IGF1R: variants seen among roughly 807,000 people sequenced by gnomAD.
The protein encoded by IGF1R is insulin-like growth factor 1 receptor.
In IGF1R, 44 loss-of-function variants were observed where a neutral mutation model predicts 144.6. That is an observed-to-expected ratio of 0.30 (90% CI 0.24 to 0.39). The LOEUF is 0.39. IGF1R is among the 10% of genes least tolerant of loss of function. The pLI is 1.00. For missense variants in IGF1R, 1,355 were observed against 1,833.7 expected (o/e 0.74, Z 4.77); for synonymous variants, 795 against 722.8 (o/e 1.10, Z -1.60).
At chr15:98,840,298 T>C (rs936520939) in intron 2 of IGF1R, among the ~76,000 whole-genome samples, 5 of 152,206 alleles carry the variant, frequency 3.3e-5, no homozygotes, top group African/African-American at 9.6e-5. Context: ...CAAACCTGAC[T>C]GCCTTCACAT....
chr15:98,875,309 G>A (rs191646171), intron 2 of IGF1R, among the ~76,000 whole-genome samples: 4 of 150,616 alleles, frequency 2.7e-5, no homozygotes, highest in African/African-American at 9.7e-5. Context: ...ATTTATGCTT[G>A]AGATTCCTTT....
intron 2 of IGF1R, among the ~76,000 whole-genome samples, chr15:98,847,652 A>G (rs1218122185): frequency 6.6e-6 from 1 of 152,208 alleles, no homozygotes; most frequent in Non-Finnish European, 1.5e-5. Flanking sequence ...TTTGAGGTGC[A>G]TTTTAGTTGG....
intron 2 of IGF1R, among the ~76,000 whole-genome samples, chr15:98,825,449 C>T (rs1242770910): frequency 6.6e-6 from 1 of 152,220 alleles, no homozygotes; most frequent in Non-Finnish European, 1.5e-5. Flanking sequence ...AACCAGGCTG[C>T]ACAGCAGGAG....
At chr15:98,836,297 C>T (rs1242465533) in intron 2 of IGF1R, among the ~76,000 whole-genome samples, 2 of 151,754 alleles carry the variant, frequency 1.3e-5, no homozygotes, top group African/African-American at 4.8e-5. Context: ...CTCTGGGAAA[C>T]CAAGACAAAT....
At chr15:98,863,706 C>T (rs898890602) in intron 2 of IGF1R, among the ~76,000 whole-genome samples, 1 of 152,166 alleles carries the variant, frequency 6.6e-6, no homozygotes, top group Non-Finnish European at 1.5e-5. Context: ...TTTCTCCCTA[C>T]AAAGGAGGTG....
intron 2 of IGF1R, among the ~76,000 whole-genome samples, chr15:98,745,308 G>A (rs982678845): frequency 2.6e-5 from 4 of 152,328 alleles, no homozygotes; most frequent in South Asian, 2.1e-4. Context: ...CTTTCCTGGA[G>A]GATGTGCCTT....
At chr15:98,772,320 A>G (rs2055605455) in intron 2 of IGF1R, among the ~76,000 whole-genome samples, 1 of 151,966 alleles carries the variant, frequency 6.6e-6, no homozygotes, top group African/African-American at 2.4e-5. Flanking sequence ...TTTGAAAATC[A>G]CTGATATTTT....
intron 2 of IGF1R, among the ~76,000 whole-genome samples, chr15:98,741,235 CTTTTTTTTTTTT>C (rs540942858): frequency 1.0e-4 from 7 of 70,328 alleles, no homozygotes; most frequent in South Asian, 9.7e-4. Flanking sequence ...TTTTCCTGAG[CTTTTTTTTTTTT>C]TTTTTTTTTT....
chr15:98,660,695 A>T (rs2052579067), intron 1 of IGF1R: 1 of 152,336 alleles, frequency 6.6e-6, no homozygotes, highest in South Asian at 2.1e-4. Context: ...CTTTTTGCAC[A>T]TTGAGGTGAA....
intron 1 of IGF1R, among the ~76,000 whole-genome samples, chr15:98,700,960 T>G (rs1327212186): frequency 6.6e-6 from 1 of 152,162 alleles, no homozygotes; most frequent in Non-Finnish European, 1.5e-5. Context: ...GAGAGATGGT[T>G]GTTCTGCCTT....
At chr15:98,818,407 C>A (rs897328729) in intron 2 of IGF1R, among the ~76,000 whole-genome samples, 1 of 152,098 alleles carries the variant, frequency 6.6e-6, no homozygotes, top group African/African-American at 2.4e-5. Flanking sequence ...AACAGTCAGT[C>A]TAGCTGCTGG....
At chr15:98,833,182 A>C (rs1442139469) in intron 2 of IGF1R, among the ~76,000 whole-genome samples, 1 of 152,228 alleles carries the variant, frequency 6.6e-6, no homozygotes, top group Non-Finnish European at 1.5e-5. Context: ...CCAGCCAATC[A>C]GCCAAGATTC....
intron 2 of IGF1R, among the ~76,000 whole-genome samples, chr15:98,865,954 G>T (rs1330306928): frequency 1.3e-5 from 2 of 152,184 alleles, no homozygotes; most frequent in Non-Finnish European, 2.9e-5. Flanking sequence ...CTCTGGGGTC[G>T]CCACTTGCCT....
chr15:98,772,506 T>TATC (rs2055611695), intron 2 of IGF1R, among the ~76,000 whole-genome samples: 1 of 121,980 alleles, frequency 8.2e-6, no homozygotes, highest in Non-Finnish European at 1.7e-5. Context: ...TTATTATTAT[T>TATC]ATTATTATTT....
intron 2 of IGF1R, among the ~76,000 whole-genome samples, chr15:98,775,099 TA>T (rs1194702975): frequency 6.6e-6 from 1 of 152,128 alleles, no homozygotes; most frequent in African/African-American, 2.4e-5. Context: ...AAATAGGTTA[TA>T]ATACCTGAGT....
At chr15:98,948,219 G>A (rs1400747222) in intron 19 of IGF1R, among the ~76,000 whole-genome samples, 1 of 152,226 alleles carries the variant, frequency 6.6e-6, no homozygotes, top group Non-Finnish European at 1.5e-5. Context: ...CAGGTTAGGT[G>A]ATACCGCCTT....
chr15:98,726,626 A>G (rs1351661757), intron 2 of IGF1R, among the ~76,000 whole-genome samples: 1 of 152,084 alleles, frequency 6.6e-6, no homozygotes, highest in Non-Finnish European at 1.5e-5. Context: ...TAATTATAAA[A>G]CAGCTTGTTT....
rs1175152203 is a variant in IGF1R at position 98,707,453 on chromosome 15, C to G, written c.95-109C>G. ...TGCAGTGAACAATTGAACCTCATTT[C>G]TTTAATAATAATACAGGATTCCTGA... On this transcript the variant is annotated intron_variant, in intron 1 of 20. Transcript: ENST00000650285. This position sits in a 1 kb window ranked among gnomAD's most constrained non-coding sequence, Gnocchi z 6.7. 7 of 1,155,684 alleles carry G rather than the reference C, an allele frequency of 6.1e-6. No homozygotes were observed. In the East Asian group the frequency reaches 1.3e-4, roughly 21 times the overall value. The allele number at this position is 1,155,684 out of a possible 1,614,324, so 71.6% of individuals were successfully genotyped here.
intron 2 of IGF1R, among the ~76,000 whole-genome samples, chr15:98,833,240 CCAAA>C (rs2057033591): frequency 6.6e-6 from 1 of 152,178 alleles, no homozygotes; most frequent in African/African-American, 2.4e-5. Flanking sequence ...TCCCCATCTG[CCAAA>C]CAAAGGGTTT....
Sources: allele counts gnomAD v4.1 joint callset (sites outside exome capture counted in the v4.1 genomes callset), GRCh38; gene constraint gnomAD v4.1.1; non-coding constraint Gnocchi (gnomAD v3.1); transcripts MANE v1.5; gene names NCBI Gene and HGNC (gene_info 2026-07-23, HGNC 2026-07-21).